Variants in TOX3 observed in about 807,000 individuals in gnomAD.
TOX3 encodes CAG trinucleotide repeat-containing gene F9 protein.
TOX3 carries 22 observed loss-of-function variants against 64.3 expected under a neutral mutation model. That is an observed-to-expected ratio of 0.34 (90% confidence interval 0.24 to 0.49). The LOEUF (loss-of-function observed/expected upper bound fraction) is 0.49. TOX3 is among the 20% of genes least tolerant of loss of function. The pLI is 0.99. For synonymous variants in TOX3, 291 were observed against 273.6 expected (o/e 1.06, Z -0.63); for missense variants, 661 against 714.4 (o/e 0.93, Z 0.85).
intron 1 of TOX3, among the ~76,000 whole-genome samples, chr16:52,532,394 C>A (rs1962870838): frequency 6.6e-6 from 1 of 152,174 alleles, no homozygotes; most frequent in Non-Finnish European, 1.5e-5. Context: ...CGAAATACTG[C>A]CATCATGAAC....
chr16:52,546,199 G>C (rs989302533), intron 1 of TOX3, among the ~76,000 whole-genome samples: 1 of 152,102 alleles, frequency 6.6e-6, no homozygotes, highest in African/African-American at 2.4e-5. Context: ...GGAGTAGGTG[G>C]GGGAGGTAAG....
intron 1 of TOX3, among the ~76,000 whole-genome samples, chr16:52,520,394 T>C (rs903541431): frequency 1.3e-5 from 2 of 152,192 alleles, no homozygotes; most frequent in African/African-American, 4.8e-5. Flanking sequence ...CTGCCAGCTG[T>C]TTACAACAAG....
At position 52,437,826 on chromosome 16, in the gene TOX3, A is replaced by G. The variant is rs930384927; in HGVS notation, c.*1399T>C. 3.3e-5 allele frequency among the ~76,000 whole-genome samples: 5 copies of G among 150,426 alleles called. No homozygotes were observed. The highest frequency in any genetic ancestry group is 1.2e-4 in the African/African-American group (5 of 41,058). On this transcript the variant is annotated 3_prime_UTR_variant, in exon 7 of 7. Transcript: ENST00000219746. ...AAAAAAAAAAAAAGACAATTACACA[A>G]ATATTTCCAATGCGTTGTTTTGGTT...
Position 52,450,305 on chromosome 16 carries a change from T to C in TOX3, c.650A>G (p.Asn217Ser), listed in dbSNP as rs767123926. The C allele has an allele frequency of 1.2e-6, 2 of 1,613,946 alleles. No homozygotes were observed. Among genetic ancestry groups the C allele is most frequent in the Non-Finnish European group, 8.5e-7 (1 of 1,179,870 alleles). Residue 217 changes from asparagine (N) to serine (S), a missense_variant, in exon 4 of 7, where the codon AAT (asparagine) becomes AGT (serine). Transcript: ENST00000219746. ...GTTGGCTTCATCAGCATCCTCTTCATTGATGGAGCTGGAAGGGGAGGGAGT... is the reference window on the plus strand; with the variant it reads ...GTTGGCTTCATCAGCATCCTCTTCACTGATGGAGCTGGAAGGGGAGGGAGT... ...SATPSPSSSI[N>S]EEDADEANRA...
At chr16:52,463,883 T>C (rs1177726946) in intron 3 of TOX3, 51 bp downstream of exon 3, 4 of 1,473,944 alleles carry the variant, frequency 2.7e-6, no homozygotes, top group Non-Finnish European at 3.6e-6. Flanking sequence ...ATCTTTACTA[T>C]GATTTGTGCA....
At chr16:52,458,754 C>T (rs1960602545) in intron 3 of TOX3, among the ~76,000 whole-genome samples, 1 of 152,056 alleles carries the variant, frequency 6.6e-6, no homozygotes, top group Non-Finnish European at 1.5e-5. Flanking sequence ...TATGCACAGG[C>T]CAAGAATAAA....
rs148517089 is a variant in TOX3 at position 52,464,229 on chromosome 16, C to G, written c.154-41G>C. 294 of 1,411,934 alleles carry G rather than the reference C, an allele frequency of 2.1e-4. No homozygotes were observed. In the African/African-American group the frequency reaches 3.5e-3, roughly 17 times the overall value. 87.5% of individuals were successfully genotyped at this position (1,411,934 alleles called of 1,614,324 possible). A position where few individuals can be genotyped will look rare whatever the true frequency, so the allele number is the denominator to read the frequency against. ...ATACAGGTATCTTCATATTCTGTTC[C>G]TATATCTTATTCCTCCGGGGAGGGA... On this transcript the variant is annotated intron_variant, in intron 2 of 6. Transcript: ENST00000219746.
intron 3 of TOX3, among the ~76,000 whole-genome samples, chr16:52,461,793 G>A (rs1455735251): frequency 2.0e-5 from 3 of 152,072 alleles, no homozygotes; most frequent in African/African-American, 4.8e-5. Flanking sequence ...AAATCTCTGA[G>A]GAGGCTTCTG....
At chr16:52,465,588 G>A (rs1288472755) in intron 2 of TOX3, among the ~76,000 whole-genome samples, 1 of 146,310 alleles carries the variant, frequency 6.8e-6, no homozygotes, top group African/African-American at 2.5e-5. Context: ...TTGAAAGAAT[G>A]AACTGGTGCA....
chr16:52,444,275 C>T lies in TOX3; in HGVS notation c.987+1G>A. ...GCCTGGCCGCCCCTGCCCAGGTTTA[C>T]CTTAGAAACGAGGCTGGCCCTGTAT... On this transcript the variant is annotated splice_donor_variant, in intron 6 of 6. Coordinates refer to ENST00000219746, the MANE Select transcript of TOX3 (RefSeq NM_001080430.4). LOFTEE classifies it high-confidence loss of function. 1 of 1,571,190 alleles carries T rather than the reference C, an allele frequency of 6.4e-7. No individual in the cohort carries two copies. Among genetic ancestry groups the T allele is most frequent in the East Asian group, 2.3e-5 (1 of 43,486 alleles).
chr16:52,527,935 T>C (rs571549479), intron 1 of TOX3, among the ~76,000 whole-genome samples: 2 of 152,294 alleles, frequency 1.3e-5, no homozygotes, highest in Non-Finnish European at 2.9e-5. Context: ...TGGCATCTAG[T>C]GGGTAGAGGC....
intron 1 of TOX3, among the ~76,000 whole-genome samples, chr16:52,510,411 G>T (rs1191753839): frequency 6.6e-6 from 1 of 152,162 alleles, no homozygotes; most frequent in Non-Finnish European, 1.5e-5. Flanking sequence ...AATGGATTTA[G>T]TAATGCTGGA....
At chr16:52,469,067 T>C (rs766974800) in intron 1 of TOX3, among the ~76,000 whole-genome samples, 9 of 152,194 alleles carry the variant, frequency 5.9e-5, no homozygotes, top group Non-Finnish European at 7.3e-5. Context: ...GGGTGTGGCA[T>C]GAATATAAAT....
chr16:52,488,077 C>T (rs1961578160), intron 1 of TOX3, among the ~76,000 whole-genome samples: 1 of 152,126 alleles, frequency 6.6e-6, no homozygotes, highest in Non-Finnish European at 1.5e-5. Flanking sequence ...ACTCACTGTG[C>T]TTTCTGCATA....
Position 52,491,184 on chromosome 16 carries a change from G to A in TOX3, c.88-22610C>T, listed in dbSNP as rs144485349. Among the ~76,000 whole-genome samples, 217 of 151,888 alleles carry A rather than the reference G, an allele frequency of 1.4e-3. 3 individuals are homozygous for A. Among genetic ancestry groups the A allele is most frequent in the Admixed American group, 2.0e-3 (31 of 15,238 alleles). On this transcript the variant is annotated intron_variant, in intron 1 of 6. Transcript: ENST00000219746. ...ATTCCTTCTGCTCCTCTCCTCCATT[G>A]CCAACCTCATCACCTCTACTCTCAT...
intron 1 of TOX3, among the ~76,000 whole-genome samples, chr16:52,497,289 T>C (rs1019159895): frequency 2.0e-5 from 3 of 152,238 alleles, no homozygotes; most frequent in African/African-American, 7.2e-5. Context: ...TTGTTCAATC[T>C]ATATAAATTT....
At position 52,449,895 on chromosome 16, in the gene TOX3, T is replaced by A. The variant is rs550359862; in HGVS notation, c.678+382A>T. ...TGTGGCAGCAGCTTGACCAACACACTGGATGAAACTTGCTCACATGGACAT... is the reference window on the plus strand; with the variant it reads ...TGTGGCAGCAGCTTGACCAACACACAGGATGAAACTTGCTCACATGGACAT... On this transcript the variant is annotated intron_variant, in intron 4 of 6. Coordinates refer to ENST00000219746, the MANE Select transcript of TOX3 (RefSeq NM_001080430.4). Among the ~76,000 whole-genome samples the A allele has an allele frequency of 3.9e-5, 6 of 152,346 alleles. No individual in the cohort carries two copies. The East Asian group carries it at 9.7e-4, about 25-fold the overall frequency.
At chr16:52,497,866 G>A (rs563433464) in intron 1 of TOX3, among the ~76,000 whole-genome samples, 10 of 151,796 alleles carry the variant, frequency 6.6e-5, no homozygotes, top group Non-Finnish European at 8.8e-5. Context: ...TTTTTCACCC[G>A]CAAAGATATA....
At chr16:52,495,896 G>T (rs1043285018) in intron 1 of TOX3, among the ~76,000 whole-genome samples, 1 of 152,052 alleles carries the variant, frequency 6.6e-6, no homozygotes, top group African/African-American at 2.4e-5. Flanking sequence ...ATTCTCACAA[G>T]AATTTACTCT....
Sources: allele counts gnomAD v4.1 joint callset (sites outside exome capture counted in the v4.1 genomes callset), GRCh38; gene constraint gnomAD v4.1.1; transcripts MANE v1.5; gene names NCBI Gene and HGNC (gene_info 2026-07-23, HGNC 2026-07-21).